Variants in ACOT7 observed in about 807,000 individuals in gnomAD.
ACOT7 encodes the protein acyl-CoA thioesterase 7.
In ACOT7, 12 loss-of-function variants were observed where a neutral mutation model predicts 40.2. The ratio of observed to expected loss-of-function variants is 0.30; its 90% CI spans 0.19 to 0.48. The LOEUF (loss-of-function observed/expected upper bound fraction) is 0.48. Among genes scored for constraint, ACOT7 ranks in the 20% least tolerant of loss-of-function variants. ACOT7 has a pLI of 0.99. For missense variants in ACOT7, 395 were observed against 530.8 expected (o/e 0.74, Z 2.51); for synonymous variants, 228 against 219.5 (o/e 1.04, Z -0.34).
chr1:6,360,661 C>CA, intron 1 of ACOT7: 1 of 1,614,206 alleles, frequency 6.2e-7, no homozygotes, highest in African/African-American at 1.3e-5. Context: ...ATCGTCTCCC[C>CA]ACGTCTCCTG....
intron 2 of ACOT7, among the ~76,000 whole-genome samples, chr1:6,340,765 G>A (rs1641254143): frequency 1.3e-5 from 2 of 152,086 alleles, no homozygotes; most frequent in South Asian, 4.2e-4. Context: ...GCCGGGCGCG[G>A]TGGCTCATGA....
chr1:6,274,499 C>T lies in ACOT7; in HGVS notation c.1014+6603G>A, dbSNP rs1279535287. ...CATGCCACGCTGTCCTCTCGGCTGGCGCGGGGCTTACCCGGCCCCTGCACT... is the reference window on the plus strand; with the variant it reads ...CATGCCACGCTGTCCTCTCGGCTGGTGCGGGGCTTACCCGGCCCCTGCACT... On this transcript the variant is annotated intron_variant, in intron 8 of 8. Coordinates refer to ENST00000361521, the MANE Select transcript of ACOT7 (RefSeq NM_007274.4). The surrounding 1 kb of genome is among the most constrained non-coding windows in gnomAD (Gnocchi z 5.9). Among the ~76,000 whole-genome samples the T allele has an allele frequency of 8.5e-5, 13 of 152,342 alleles. No individual in the cohort carries two copies. Among genetic ancestry groups the T allele is most frequent in the East Asian group, 1.9e-4 (1 of 5,184 alleles).
chr1:6,349,754 T>G lies in ACOT7; in HGVS notation c.256A>C (p.Asn86His). 4 of 1,613,362 alleles carry G rather than the reference T, an allele frequency of 2.5e-6. No individual in the cohort carries two copies. Among genetic ancestry groups the G allele is most frequent in the Non-Finnish European group, 3.4e-6 (4 of 1,179,726 alleles). ...IISTRHCNSQ[N>H]GERCVAALAR... The stretch of plus-strand genomic sequence containing the variant: ...TATGGGGCCCAGACCCTTACCCCGT[T>G]CTGGCTGTTGCAATGCCGGGTGCTG... The change falls in exon 2 of 9, where the codon AAC (asparagine) becomes CAC (histidine). Residue 86 changes from asparagine to histidine, a missense_variant. Transcript: ENST00000361521.
chr1:6,341,127 A>G (rs924677809), intron 2 of ACOT7, among the ~76,000 whole-genome samples: 7 of 151,870 alleles, frequency 4.6e-5, no homozygotes, highest in Non-Finnish European at 7.4e-5. Flanking sequence ...GTGTTGTGAC[A>G]TGGCTCTTTG....
chr1:6,380,381 C>T (rs754986987), intron 1 of ACOT7, among the ~76,000 whole-genome samples: 20 of 151,348 alleles, frequency 1.3e-4, no homozygotes, highest in Middle Eastern at 6.8e-3. Context: ...GGGAGGATCA[C>T]GAGGTCAGGA....
rs1011684260 is a variant in ACOT7 at position 6,264,284 on chromosome 1, G to A, written c.*313C>T. The A allele has an allele frequency of 3.2e-5, 10 of 315,790 alleles. No individual in the cohort carries two copies. The highest frequency in any genetic ancestry group is 5.1e-5 in the Admixed American group (1 of 19,604). 19.6% of individuals were successfully genotyped at this position (315,790 alleles called of 1,614,324 possible). On this transcript the variant is annotated 3_prime_UTR_variant, in exon 9 of 9. Coordinates refer to ENST00000361521, the MANE Select transcript of ACOT7 (RefSeq NM_007274.4). ...CAGGACACGTGGGTCCAGCCAAGCAGCAGCTTTATTAGTGGTGCTGGGTTC... is the reference window on the plus strand; with the variant it reads ...CAGGACACGTGGGTCCAGCCAAGCAACAGCTTTATTAGTGGTGCTGGGTTC...
At chr1:6,371,267 A>G (rs528977498) in intron 1 of ACOT7, among the ~76,000 whole-genome samples, 3 of 152,302 alleles carry the variant, frequency 2.0e-5, no homozygotes, top group African/African-American at 4.8e-5. Flanking sequence ...AGCATAATTC[A>G]TAAGGGCCCT....
chr1:6,388,048 C>A (rs1642468699), intron 1 of ACOT7, among the ~76,000 whole-genome samples: 2 of 151,498 alleles, frequency 1.3e-5, no homozygotes, highest in East Asian at 3.9e-4. Context: ...TCAAGCGATT[C>A]TCCTGCCTCA....
chr1:6,295,014 C>G (rs367613034), intron 6 of ACOT7, 34 bp from the exon 7 acceptor site: 2 of 1,514,854 alleles, frequency 1.3e-6, no homozygotes, highest in Non-Finnish European at 1.8e-6. Flanking sequence ...AGATGAGACA[C>G]GGAGGCAGAG....
chr1:6,277,681 C>T (rs1043826063), intron 8 of ACOT7, among the ~76,000 whole-genome samples: 21 of 152,260 alleles, frequency 1.4e-4, no homozygotes, highest in Admixed American at 1.4e-3. Context: ...TCCCTGACTC[C>T]AGGCCTCCGC....
intron 8 of ACOT7, among the ~76,000 whole-genome samples, chr1:6,269,575 A>G (rs560453212): frequency 6.6e-6 from 1 of 152,360 alleles, no homozygotes; most frequent in Admixed American, 6.5e-5. Context: ...GGTGCAGGTC[A>G]TTCTCAGGGT....
intron 7 of ACOT7, among the ~76,000 whole-genome samples, chr1:6,286,338 G>A (rs1027203645): frequency 1.8e-4 from 28 of 152,210 alleles, no homozygotes; most frequent in African/African-American, 6.8e-4. Flanking sequence ...GGCCAGAAGG[G>A]GAGCGCCTGG....
rs1320108630 is a variant in ACOT7, at chr1:6,282,675, T to C, written c.830-1389A>G. On this transcript the variant is annotated intron_variant, in intron 7 of 8. Coordinates refer to ENST00000361521, the MANE Select transcript of ACOT7 (RefSeq NM_007274.4). This position sits in a 1 kb window ranked among gnomAD's most constrained non-coding sequence, Gnocchi z 4.5. ...GCCAGAGGCAAGAGCGGTTATTCCA[T>C]GTTAAAAAGTATCAGAACGATCCAT... The C allele has an allele frequency of 3.9e-6, 5 of 1,281,364 alleles. No individual in the cohort carries two copies. The highest frequency in any genetic ancestry group is 1.2e-5 in the South Asian group (1 of 80,534). 79.4% of individuals were successfully genotyped at this position (1,281,364 alleles called of 1,614,324 possible). A position where few individuals can be genotyped will look rare whatever the true frequency, so the allele number is the denominator to read the frequency against.
At chr1:6,273,742 C>G (rs1448355382) in intron 8 of ACOT7, among the ~76,000 whole-genome samples, 1 of 152,386 alleles carries the variant, frequency 6.6e-6, no homozygotes, top group East Asian at 1.9e-4. Flanking sequence ...AGCCCGCACA[C>G]GGGCGCAGCG....
chr1:6,266,933 A>T (rs994548762), intron 8 of ACOT7, among the ~76,000 whole-genome samples: 8 of 152,054 alleles, frequency 5.3e-5, no homozygotes, highest in Admixed American at 4.6e-4. Context: ...GCCCTGGGAG[A>T]CATCGGGTTG....
chr1:6,333,346 T>C, intron 4 of ACOT7, 131 bp downstream of exon 4: 2 of 984,384 alleles, frequency 2.0e-6, no homozygotes, highest in Non-Finnish European at 1.5e-6. Flanking sequence ...CTGGCGGACC[T>C]GGCCCCCTGT....
At chr1:6,387,565 G>A (rs1305075423) in intron 1 of ACOT7, among the ~76,000 whole-genome samples, 1 of 152,166 alleles carries the variant, frequency 6.6e-6, no homozygotes. Context: ...TCCCCAGGAG[G>A]GCTCTGAGAG....
chr1:6,365,717 G>A (rs12755006), intron 1 of ACOT7, among the ~76,000 whole-genome samples: 6 of 149,756 alleles, frequency 4.0e-5, no homozygotes, highest in South Asian at 4.2e-4. Flanking sequence ...GCAGTGAGCC[G>A]AGATCGCACC....
chr1:6,393,365 C>T lies in ACOT7; in HGVS notation c.35G>A (p.Gly12Asp), dbSNP rs753105210. 2 of 1,238,354 alleles carry T rather than the reference C, an allele frequency of 1.6e-6. No homozygotes were observed. Among genetic ancestry groups the T allele is most frequent in the South Asian group, 7.9e-5 (2 of 25,244 alleles). The allele number at this position is 1,238,354 out of a possible 1,614,324, so 76.7% of individuals were successfully genotyped here. A position where few individuals can be genotyped will look rare whatever the true frequency, so the allele number is the denominator to read the frequency against. Residue 12 changes from glycine (G) to aspartate (D), a missense_variant, in exon 1 of 9, where the codon GGC becomes GAC. Around this residue, in one of 2 missense-constraint regions of ACOT7, gnomAD observed 86 missense variants for 60.5 expected, o/e 1.42. Coordinates refer to ENST00000361521, the MANE Select transcript of ACOT7 (RefSeq NM_007274.4). Reference protein sequence around the residue: ...ARPGLIHSAPGLPDTCALLQP... With the variant: ...ARPGLIHSAPDLPDTCALLQP... ...CAGAAGGGCGCAGGTGTCTGGCAGG[C>T]CCGGCGCGGAATGAATGAGCCCGGG...
Sources: gnomAD v4.1 joint callset for allele counts (sites outside exome capture counted in the v4.1 genomes callset) on GRCh38, gnomAD v4.1.1 for gene constraint, gnomAD v4.1.1 regional missense constraint, Gnocchi (gnomAD v3.1) non-coding constraint, MANE v1.5 for transcripts, NCBI Gene and HGNC (gene_info 2026-07-23, HGNC 2026-07-21) for gene names.